DMD: variants seen among roughly 807,000 people sequenced by gnomAD.
DMD encodes the protein mutant dystrophin.
A neutral mutation model predicts 330.1 loss-of-function variants in DMD; 63 were observed. The observed-to-expected ratio is 0.19, with a 90% CI of 0.16 to 0.24. DMD has a LOEUF of 0.24. Among genes scored for constraint, DMD ranks in the 10% least tolerant of loss-of-function variants. The probability of loss-of-function intolerance (pLI) is 1.00; values close to 1 mark genes in which losing one functional copy is unlikely to be tolerated. For missense variants in DMD, 3,344 were observed against 2,684.1 expected, an observed-to-expected ratio of 1.25 and a Z score of -5.43; for synonymous variants, 1,223 against 959.8, an observed-to-expected ratio of 1.27 and a Z score of -5.07.
intron 63 of DMD, among the ~76,000 whole-genome samples, chrX:31,225,343 T>C (rs755796475): frequency 2.7e-5 from 3 of 112,507 alleles, no homozygotes; most frequent in Non-Finnish European, 3.8e-5. Flanking sequence ...TAGCTCTTAT[T>C]ACACCAGGGG....
At chrX:32,298,399 T>C (rs6418642) in intron 42 of DMD, among the ~76,000 whole-genome samples, 6,729 of 110,422 alleles carry the variant, frequency 0.061, 530 homozygotes, top group African/African-American at 0.21. Context: ...AGTGGAATAA[T>C]GGAGTTGCCA....
Position 32,553,311 on chromosome X carries a change from A to G in DMD, c.1993-7977T>C, listed in dbSNP as rs375829195. On this transcript the variant is annotated intron_variant, in intron 16 of 78. Transcript: ENST00000357033. Reference sequence around the variant, plus strand: ...CCATTATCCTAAGCAAACTAACACAATAACACAAAATATCACATTTTCTCA... The same window carrying G: ...CCATTATCCTAAGCAAACTAACACAGTAACACAAAATATCACATTTTCTCA... 7.2e-5 allele frequency among the ~76,000 whole-genome samples: 8 copies of G among 111,735 alleles called. No homozygotes were observed. The East Asian group carries it at 2.0e-3, about 28-fold the overall frequency.
chrX:31,984,304 T>A (rs1230148325), intron 44 of DMD, among the ~76,000 whole-genome samples: 2 of 112,145 alleles, frequency 1.8e-5, no homozygotes, highest in Admixed American at 9.5e-5. Context: ...GACAACAGCA[T>A]CCCTAGATTA....
chrX:32,279,952 A>G (rs2097407969), intron 43 of DMD, among the ~76,000 whole-genome samples: 1 of 100,840 alleles, frequency 9.9e-6, no homozygotes, highest in Non-Finnish European at 2.0e-5. Flanking sequence ...ATATACACAT[A>G]TATATGTGTA....
chrX:31,752,758 T>C (rs910343354), intron 51 of DMD, among the ~76,000 whole-genome samples: 1 of 111,087 alleles, frequency 9.0e-6, no homozygotes, highest in Admixed American at 9.6e-5. Context: ...AGAAAAACCA[T>C]CTTCCCCTTA....
chrX:33,189,392 A>G (rs974121415), intron 1 of DMD, among the ~76,000 whole-genome samples: 2 of 111,935 alleles, frequency 1.8e-5, no homozygotes, highest in East Asian at 5.6e-4. Context: ...ATTAAAGTAA[A>G]TAAATTGACA....
At chrX:33,327,293 T>C (rs1441454611) in intron 1 of DMD, among the ~76,000 whole-genome samples, 1 of 111,673 alleles carries the variant, frequency 9.0e-6, no homozygotes. Context: ...TGAGAGCAAG[T>C]TGTTTCTCAG....
intron 37 of DMD, among the ~76,000 whole-genome samples, chrX:32,352,793 G>A (rs2097786249): frequency 9.0e-6 from 1 of 110,705 alleles, no homozygotes; most frequent in Admixed American, 9.6e-5. Context: ...ACGGGAGTGG[G>A]ATTGACCTGT....
chrX:32,578,023 C>T (rs2053251411), intron 13 of DMD, among the ~76,000 whole-genome samples: 1 of 112,307 alleles, frequency 8.9e-6, no homozygotes, highest in Non-Finnish European at 1.9e-5. Flanking sequence ...TGAAGCAAAG[C>T]AATTGGAAGA....
intron 26 of DMD, among the ~76,000 whole-genome samples, chrX:32,452,716 G>A (rs972746274): frequency 2.7e-5 from 3 of 110,461 alleles, no homozygotes; most frequent in Non-Finnish European, 3.8e-5. Flanking sequence ...CCTCAGGGGT[G>A]ACCTCCCCAA....
intron 67 of DMD, among the ~76,000 whole-genome samples, chrX:31,197,264 C>T (rs1004450380): frequency 2.7e-5 from 3 of 111,881 alleles, no homozygotes; most frequent in Admixed American, 9.5e-5. Flanking sequence ...ATGCACTTAA[C>T]CACTCTGCCA....
At chrX:32,944,409 A>G (rs752671576) in intron 2 of DMD, among the ~76,000 whole-genome samples, 3 of 111,664 alleles carry the variant, frequency 2.7e-5, no homozygotes, top group Admixed American at 9.5e-5. Flanking sequence ...TTATGATTGA[A>G]TATTTGTTCA....
intron 44 of DMD, among the ~76,000 whole-genome samples, chrX:32,154,195 C>T (rs1393459425): frequency 8.9e-6 from 1 of 112,131 alleles, no homozygotes; most frequent in African/African-American, 3.2e-5. Flanking sequence ...TACTTCAAAG[C>T]AGAGGCATTT....
chrX:32,666,627 G>C (rs1341713170), intron 9 of DMD, among the ~76,000 whole-genome samples: 2 of 110,166 alleles, frequency 1.8e-5, no homozygotes, highest in African/African-American at 6.6e-5. Flanking sequence ...TCAGGAGTTC[G>C]AGACCAGCAT....
chrX:33,097,675 G>A (rs2095186332), intron 1 of DMD, among the ~76,000 whole-genome samples: 1 of 101,744 alleles, frequency 9.8e-6, no homozygotes, highest in South Asian at 4.8e-4. Flanking sequence ...GAGGGCAGTG[G>A]TGTGATCTGG....
chrX:32,650,168 G>A (rs763900416), intron 9 of DMD, among the ~76,000 whole-genome samples: 1 of 111,965 alleles, frequency 8.9e-6, no homozygotes, highest in African/African-American at 3.2e-5. Context: ...GGGACACTAT[G>A]AGAGGGCACA....
intron 47 of DMD, among the ~76,000 whole-genome samples, chrX:31,902,673 C>T (rs1483949404): frequency 9.0e-6 from 1 of 111,637 alleles, no homozygotes; most frequent in Non-Finnish European, 1.9e-5. Context: ...GGTTAAACTA[C>T]AATCATTCAA....
chrX:32,492,511 C>T (rs2043106651), intron 19 of DMD, among the ~76,000 whole-genome samples: 1 of 112,300 alleles, frequency 8.9e-6, no homozygotes, highest in African/African-American at 3.2e-5. Context: ...ACAAGCATAT[C>T]ATTATCACCA....
intron 44 of DMD, among the ~76,000 whole-genome samples, chrX:31,996,136 A>G (rs2095584417): frequency 8.9e-6 from 1 of 112,165 alleles, no homozygotes; most frequent in Non-Finnish European, 1.9e-5. Context: ...AGGCATGGAG[A>G]GAAATTGGAA....
Sources: gnomAD v4.1 joint callset for allele counts (sites outside exome capture counted in the v4.1 genomes callset) on GRCh38, gnomAD v4.1.1 for gene constraint, MANE v1.5 for transcripts, NCBI Gene and HGNC (gene_info 2026-07-23, HGNC 2026-07-21) for gene names.